The following FOXP2 variants were observed in gnomAD, a reference collection of about 807,000 sequenced individuals.
FOXP2 encodes forkhead box protein P2.
In FOXP2, 12 loss-of-function variants were observed where a neutral mutation model predicts 115.8. The observed-to-expected ratio is 0.10, with a 90% CI of 0.07 to 0.17. The LOEUF (loss-of-function observed/expected upper bound fraction) is 0.17, where lower values mean the gene tolerates loss of function less well. Ranked by LOEUF, FOXP2 falls within the 10% of genes least tolerant of loss-of-function variation. The probability of loss-of-function intolerance (pLI) is 1.00; values close to 1 mark genes in which losing one functional copy is unlikely to be tolerated. For missense variants in FOXP2, 629 were observed against 843.5 expected, an observed-to-expected ratio of 0.75 and a Z score of 3.15; for synonymous variants, 328 against 297.7, an observed-to-expected ratio of 1.10 and a Z score of -1.05.
intron 3 of FOXP2, among the ~76,000 whole-genome samples, chr7:114,541,535 C>A (rs1799663434): frequency 6.6e-6 from 1 of 151,934 alleles, no homozygotes; most frequent in Admixed American, 6.6e-5. Flanking sequence ...TTAAATCCCC[C>A]TCATTCTTCA....
intron 2 of FOXP2, among the ~76,000 whole-genome samples, chr7:114,374,857 T>C (rs965112117): frequency 6.6e-6 from 1 of 152,174 alleles, no homozygotes; most frequent in Non-Finnish European, 1.5e-5. Context: ...ATCTGCCAAA[T>C]GCATAGAACT....
chr7:114,580,705 C>G (rs1008031974), intron 3 of FOXP2, among the ~76,000 whole-genome samples: 1 of 152,106 alleles, frequency 6.6e-6, no homozygotes, highest in Non-Finnish European at 1.5e-5. Flanking sequence ...TAATTTTATA[C>G]CTGGTTATCT....
At chr7:114,556,907 G>A (rs1306384494) in intron 3 of FOXP2, among the ~76,000 whole-genome samples, 1 of 152,062 alleles carries the variant, frequency 6.6e-6, no homozygotes, top group East Asian at 1.9e-4. Flanking sequence ...AAGATCTTTT[G>A]TATTGTTTTT....
At chr7:114,457,596 A>G (rs999284654) in intron 2 of FOXP2, among the ~76,000 whole-genome samples, 8 of 152,158 alleles carry the variant, frequency 5.3e-5, no homozygotes, top group Non-Finnish European at 1.0e-4. Flanking sequence ...TCAAATTATC[A>G]TATTAAAAAT....
chr7:114,542,209 TTGTC>T (rs1799696448), intron 3 of FOXP2, among the ~76,000 whole-genome samples: 1 of 152,160 alleles, frequency 6.6e-6, no homozygotes, highest in Non-Finnish European at 1.5e-5. Flanking sequence ...TCATGTAATC[TTGTC>T]TATTTTACTT....
chr7:114,575,882 T>C (rs1801552379), intron 3 of FOXP2, among the ~76,000 whole-genome samples: 1 of 151,944 alleles, frequency 6.6e-6, no homozygotes. Context: ...AAGGATAATG[T>C]TGCAGTAATT....
intron 1 of FOXP2, among the ~76,000 whole-genome samples, chr7:114,213,933 G>A (rs921651995): frequency 3.9e-4 from 60 of 152,274 alleles, no homozygotes; most frequent in African/African-American, 1.4e-3. Context: ...AAGTAAAGAA[G>A]ACTATAGGAG....
chr7:114,689,977 A>G lies in FOXP2; in HGVS notation c.*51A>G, dbSNP rs757598002. 1.5e-5 allele frequency: 24 copies of G among 1,603,406 alleles called. No individual in the cohort carries two copies. Among genetic ancestry groups the G allele is most frequent in the Non-Finnish European group, 1.9e-5 (22 of 1,173,114 alleles). ...GAAGGGACATATCACTGACCTTCAT[A>G]ACCACTCCACAACCATGAATATTTG... On this transcript the variant is annotated 3_prime_UTR_variant, in exon 17 of 17. Transcript: ENST00000350908.
In FOXP2 at chr7:114,691,851, A is replaced by G. The variant is rs778784506; in HGVS notation, c.*1925A>G. 6.6e-6 allele frequency: 3 copies of G among 453,552 alleles called. No individual in the cohort carries two copies. Among genetic ancestry groups the G allele is most frequent in the South Asian group, 4.7e-5 (3 of 64,394 alleles). The allele number at this position is 453,552 out of a possible 1,614,324, so 28.1% of individuals were successfully genotyped here. Reference sequence around the variant, plus strand: ...AGAGAGATACCCAGTCATCTATCACACCAAATAAAAGGACATAACGGCTTT... The same window carrying G: ...AGAGAGATACCCAGTCATCTATCACGCCAAATAAAAGGACATAACGGCTTT... On this transcript the variant is annotated 3_prime_UTR_variant, in exon 17 of 17. Transcript: ENST00000350908.
intron 2 of FOXP2, among the ~76,000 whole-genome samples, chr7:114,456,668 G>A (rs1795323788): frequency 1.3e-5 from 2 of 152,188 alleles, no homozygotes; most frequent in South Asian, 4.1e-4. Context: ...GATTTTTAAG[G>A]AAATTAGCAT....
At chr7:114,400,808 G>T (rs1792870975) in intron 2 of FOXP2, among the ~76,000 whole-genome samples, 2 of 152,078 alleles carry the variant, frequency 1.3e-5, no homozygotes, top group Admixed American at 1.3e-4. Flanking sequence ...CCATGGACTG[G>T]TACTGGTCCG....
intron 1 of FOXP2, among the ~76,000 whole-genome samples, chr7:114,198,075 C>A (rs1416449728): frequency 6.6e-6 from 1 of 151,934 alleles, no homozygotes; most frequent in East Asian, 1.9e-4. Context: ...TGTTACCTAG[C>A]CTGGTCTCAA....
intron 2 of FOXP2, among the ~76,000 whole-genome samples, chr7:114,300,820 T>A (rs964267867): frequency 4.6e-5 from 7 of 151,958 alleles, no homozygotes; most frequent in African/African-American, 1.7e-4. Flanking sequence ...AAATGGCTTA[T>A]CTTTAAAAAC....
intron 13 of FOXP2, chr7:114,661,760 T>C: frequency 2.7e-6 from 1 of 366,788 alleles, no homozygotes; most frequent in Middle Eastern, 9.5e-4. Context: ...CTAATTGTTC[T>C]GGCATTTTCA....
At chr7:114,196,928 A>G (rs1312589790) in intron 1 of FOXP2, among the ~76,000 whole-genome samples, 1 of 152,196 alleles carries the variant, frequency 6.6e-6, no homozygotes, top group African/African-American at 2.4e-5. Context: ...ATGGTTGCTC[A>G]TGCCTATAAT....
chr7:114,580,518 C>G lies in FOXP2; in HGVS notation c.258+45812C>G, dbSNP rs553242595. Among the ~76,000 whole-genome samples, 11 of 152,248 alleles carry G rather than the reference C, an allele frequency of 7.2e-5. No individual in the cohort carries two copies. The South Asian group carries it at 2.3e-3, about 32-fold the overall frequency. ...GTTTGAACCCGGGAGGCAGAGGTTGCAGTGAGCTGAGATCACACCACCACT... is the reference window on the plus strand; with the variant it reads ...GTTTGAACCCGGGAGGCAGAGGTTGGAGTGAGCTGAGATCACACCACCACT... On this transcript the variant is annotated intron_variant, in intron 3 of 16. Transcript: ENST00000350908.
intron 2 of FOXP2, among the ~76,000 whole-genome samples, chr7:114,374,265 A>C (rs1337471096): frequency 1.3e-5 from 2 of 152,194 alleles, no homozygotes; most frequent in African/African-American, 4.8e-5. Context: ...TAATAAAATA[A>C]AAGTAGTGAG....
At chr7:114,475,020 A>G (rs546888494) in intron 2 of FOXP2, among the ~76,000 whole-genome samples, 2 of 152,126 alleles carry the variant, frequency 1.3e-5, no homozygotes, top group East Asian at 3.9e-4. Context: ...TACTAGCCCA[A>G]CATAGTCTGT....
At chr7:114,286,860 A>C (rs1796478654) in intron 1 of FOXP2, among the ~76,000 whole-genome samples, 1 of 152,054 alleles carries the variant, frequency 6.6e-6, no homozygotes. Context: ...ATTCAACCAG[A>C]ATACGTGATT....
Sources: gnomAD v4.1 joint callset for allele counts (sites outside exome capture counted in the v4.1 genomes callset) on GRCh38, gnomAD v4.1.1 for gene constraint, MANE v1.5 for transcripts, NCBI Gene and HGNC (gene_info 2026-07-23, HGNC 2026-07-21) for gene names.